The following ADAMTS19 variants were observed in gnomAD, a reference collection of about 807,000 sequenced individuals.
ADAMTS19 encodes ADAM metallopeptidase with thrombospondin type 1 motif 19.
A neutral mutation model predicts 153.3 loss-of-function variants in ADAMTS19; 93 were observed. That is an observed-to-expected ratio of 0.61 (90% confidence interval 0.51 to 0.72). ADAMTS19 has a LOEUF of 0.72. Among genes scored for constraint, ADAMTS19 ranks in the 30% least tolerant of loss-of-function variants. ADAMTS19 has a pLI of 0.00. For missense variants in ADAMTS19, 1,482 were observed against 1,552.1 expected (o/e 0.95, Z 0.76); for synonymous variants, 600 against 556.6 (o/e 1.08, Z -1.10).
intron 8 of ADAMTS19, among the ~76,000 whole-genome samples, chr5:129,612,089 C>T (rs1751252055): frequency 6.6e-6 from 1 of 151,392 alleles, no homozygotes; most frequent in South Asian, 2.1e-4. Flanking sequence ...CATCATTTAG[C>T]ATTAGGTATA....
At chr5:129,566,962 T>A (rs1209953940) in intron 7 of ADAMTS19, among the ~76,000 whole-genome samples, 1 of 44,110 alleles carries the variant, frequency 2.3e-5, no homozygotes, top group Non-Finnish European at 5.1e-5. Flanking sequence ...AACTCCATAC[T>A]TTCTGAAAGC....
At chr5:129,627,548 C>A (rs1159817155) in intron 10 of ADAMTS19, among the ~76,000 whole-genome samples, 1 of 151,302 alleles carries the variant, frequency 6.6e-6, no homozygotes, top group South Asian at 2.1e-4. Context: ...GCAAAAGAAA[C>A]CATCAATAGA....
rs1405839104 is a variant in ADAMTS19 at position 129,658,479 on chromosome 5, G to T, written c.2305-138G>T. 4.7e-6 allele frequency: 4 copies of T among 852,282 alleles called. No homozygotes were observed. The African/African-American group carries it at 5.2e-5, about 11-fold the overall frequency. 52.8% of individuals were successfully genotyped at this position (852,282 alleles called of 1,614,324 possible). A position where few individuals can be genotyped will look rare whatever the true frequency, so the allele number is the denominator to read the frequency against. ...TGTGTATTAGCTTGCACCAGAGAAT[G>T]ACATTTTATAATATGACATTTCATA... On this transcript the variant is annotated intron_variant, in intron 14 of 22. Transcript: ENST00000274487.
chr5:129,601,312 A>C (rs368339666), intron 8 of ADAMTS19, among the ~76,000 whole-genome samples: 1 of 152,226 alleles, frequency 6.6e-6, no homozygotes, highest in East Asian at 1.9e-4. Context: ...ATTTTTGTGA[A>C]TGAAAATACT....
At chr5:129,547,184 A>C (rs1480515307) in intron 6 of ADAMTS19, among the ~76,000 whole-genome samples, 1 of 150,702 alleles carries the variant, frequency 6.6e-6, no homozygotes, top group African/African-American at 2.5e-5. Context: ...AGAGAGGGTC[A>C]TATGAGGATG....
chr5:129,601,449 G>A (rs13166172), intron 8 of ADAMTS19, among the ~76,000 whole-genome samples: 87,814 of 151,884 alleles, frequency 0.58, 26,924 homozygotes, highest in Non-Finnish European at 0.69. Flanking sequence ...TTTCATTTTA[G>A]GCCAAAACTT....
chr5:129,735,006 A>G lies in ADAMTS19; in HGVS notation c.3387A>G (p.Gly1129=). 7 of 1,612,340 alleles carry G rather than the reference A, an allele frequency of 4.3e-6. No homozygotes were observed. The highest frequency in any genetic ancestry group is 5.9e-6 in the Non-Finnish European group (7 of 1,178,954). The change falls in exon 22 of 23, where the codon GGA becomes GGG. Residue 1129 remains glycine, a synonymous_variant. Coordinates refer to ENST00000274487, the MANE Select transcript of ADAMTS19 (RefSeq NM_133638.6). The part of the protein sequence containing the change: ...QCMHKITGRH[G]NECFSSEKPA... ...TGCATAAGATCACAGGAAGACATGG[A>G]AATGAATGTTTTTCCTCAGAAAAAC...
intron 3 of ADAMTS19, among the ~76,000 whole-genome samples, chr5:129,524,565 A>C (rs1751936660): frequency 6.6e-6 from 1 of 151,984 alleles, no homozygotes; most frequent in Non-Finnish European, 1.5e-5. Context: ...CATCTGACAA[A>C]GGGCTAATAT....
intron 10 of ADAMTS19, among the ~76,000 whole-genome samples, chr5:129,634,711 C>T (rs1428570925): frequency 1.3e-5 from 2 of 152,010 alleles, no homozygotes; most frequent in African/African-American, 4.8e-5. Flanking sequence ...AAGATTGAAA[C>T]TGGGCCCCTT....
chr5:129,577,465 G>T (rs773257903), intron 7 of ADAMTS19, among the ~76,000 whole-genome samples: 1 of 152,072 alleles, frequency 6.6e-6, no homozygotes. Flanking sequence ...GGGATAATCC[G>T]GGAGTTCCAG....
At chr5:129,546,034 C>T (rs1384552468) in intron 6 of ADAMTS19, among the ~76,000 whole-genome samples, 8 of 148,748 alleles carry the variant, frequency 5.4e-5, no homozygotes, top group Non-Finnish European at 8.9e-5. Context: ...GGCACATATA[C>T]ACCATGGAAT....
At chr5:129,471,351 G>A (rs1450707556) in intron 2 of ADAMTS19, among the ~76,000 whole-genome samples, 1 of 151,432 alleles carries the variant, frequency 6.6e-6, no homozygotes. Context: ...GGGTGACAGA[G>A]TGAGACCCTG....
At chr5:129,472,222 T>C (rs1429673562) in intron 2 of ADAMTS19, among the ~76,000 whole-genome samples, 2 of 152,216 alleles carry the variant, frequency 1.3e-5, no homozygotes, top group Non-Finnish European at 2.9e-5. Context: ...GATCTATTTT[T>C]TGACTTTTTA....
At chr5:129,674,314 A>C (rs30659) in intron 16 of ADAMTS19, among the ~76,000 whole-genome samples, 7 of 151,754 alleles carry the variant, frequency 4.6e-5, no homozygotes, top group African/African-American at 1.5e-4. Flanking sequence ...TATTTTAACC[A>C]ATGTATTTTT....
intron 10 of ADAMTS19, among the ~76,000 whole-genome samples, chr5:129,628,900 G>A (rs922973568): frequency 2.0e-5 from 3 of 152,044 alleles, no homozygotes; most frequent in African/African-American, 7.2e-5. Context: ...GCTTGTGTAA[G>A]TACACTCAAC....
intron 2 of ADAMTS19, among the ~76,000 whole-genome samples, chr5:129,507,613 A>G (rs1327458360): frequency 1.3e-5 from 2 of 151,514 alleles, no homozygotes; most frequent in Non-Finnish European, 3.0e-5. Context: ...ATTAGAGTAA[A>G]TCTTTCTTAA....
intron 3 of ADAMTS19, among the ~76,000 whole-genome samples, chr5:129,519,479 C>T (rs1751719624): frequency 6.6e-6 from 1 of 152,012 alleles, no homozygotes; most frequent in Admixed American, 6.6e-5. Context: ...GCCATCCTAG[C>T]TGGTGTCTCA....
At chr5:129,498,796 C>A (rs1166728578) in intron 2 of ADAMTS19, among the ~76,000 whole-genome samples, 1 of 128,716 alleles carries the variant, frequency 7.8e-6, no homozygotes. Flanking sequence ...AGCATTCACT[C>A]TATTTTTTTT....
rs541292966 is a variant in ADAMTS19 at position 129,646,574 on chromosome 5, A to G, written c.1873-1191A>G. ...TTAACATAATGATACTTATAACTCTATTATTATTACAGTTAGCCCTTATTA... is the reference window on the plus strand; with the variant it reads ...TTAACATAATGATACTTATAACTCTGTTATTATTACAGTTAGCCCTTATTA... On this transcript the variant is annotated intron_variant, in intron 11 of 22. Coordinates refer to ENST00000274487, the MANE Select transcript of ADAMTS19 (RefSeq NM_133638.6). Among the ~76,000 whole-genome samples, 4 of 152,264 alleles carry G rather than the reference A, an allele frequency of 2.6e-5. No homozygotes were observed. The South Asian group carries it at 8.3e-4, about 32-fold the overall frequency.
Sources: allele counts gnomAD v4.1 joint callset (sites outside exome capture counted in the v4.1 genomes callset), GRCh38; gene constraint gnomAD v4.1.1; transcripts MANE v1.5; gene names NCBI Gene and HGNC (gene_info 2026-07-23, HGNC 2026-07-21).